SRP19: variants seen among roughly 807,000 people sequenced by gnomAD.
The protein encoded by SRP19 is signal recognition particle 19 kDa protein.
Under a neutral mutation model 22.4 loss-of-function variants are expected in SRP19, and 11 were observed. The observed-to-expected ratio is 0.49, with a 90% CI of 0.31 to 0.81. SRP19 has a LOEUF of 0.81. Among genes scored for constraint, SRP19 ranks in the 40% least tolerant of loss-of-function variants. SRP19 has a pLI of 0.05. For missense variants in SRP19, 168 were observed against 175.9 expected (o/e 0.96, Z 0.25); for synonymous variants, 61 against 57.6 (o/e 1.06, Z -0.27).
At chr5:112,893,597 G>C (rs570747452), downstream of SRP19, 3 of 152,720 alleles carry the variant, frequency 2.0e-5, no homozygotes, top group African/African-American at 4.8e-5. Flanking sequence ...TGGAAAACAG[G>C]ATCTTCAGAC....
downstream of SRP19, among the ~76,000 whole-genome samples, chr5:112,874,519 G>A (rs1767851448): frequency 6.6e-6 from 1 of 152,164 alleles, no homozygotes; most frequent in Non-Finnish European, 1.5e-5. Flanking sequence ...CAATATTTTT[G>A]AAAAGGTCCT....
intron 4 of SRP19, among the ~76,000 whole-genome samples, chr5:112,886,486 T>C (rs1768249878): frequency 6.6e-6 from 1 of 152,206 alleles, no homozygotes; most frequent in Admixed American, 6.5e-5. Flanking sequence ...TTAGGTCCTT[T>C]AGTTTTCTTC....
rs1244330683 is a variant in SRP19 at position 112,864,634 on chromosome 5, A to G, written c.203A>G (p.Tyr68Cys). The G allele has an allele frequency of 1.2e-6, 2 of 1,613,940 alleles. No homozygotes were observed. The highest frequency in any genetic ancestry group is 1.7e-5 in the Admixed American group (1 of 60,000). Reference protein sequence around the residue: ...LNVFLEKNKMYSREWNRDVQY... With the variant: ...LNVFLEKNKMCSREWNRDVQY... ...CGTTTATGTTAGAAAAATAAAATGT[A>G]CTCTAGAGAATGGAATCGTGATGTC... Residue 68 changes from tyrosine to cysteine, a missense_variant, in exon 4 of 5, where the codon TAC becomes TGC. Transcript: ENST00000505459.
chr5:112,887,030 C>T, intron 4 of SRP19: 1 of 1,607,978 alleles, frequency 6.2e-7, no homozygotes. Context: ...TTAGTGATGG[C>T]ATCTGCAGTC....
At chr5:112,897,350 A>C (rs1218779911), downstream of SRP19, 1 of 129,442 alleles carries the variant, frequency 7.7e-6, no homozygotes, top group South Asian at 2.6e-4. Flanking sequence ...AACACATCCC[A>C]TCACACACAC....
intron 4 of SRP19, chr5:112,885,831 C>A: frequency 4.9e-6 from 1 of 202,580 alleles, no homozygotes. Context: ...AAGGAAGCAC[C>A]TCTCAGCCTT....
chr5:112,882,619 C>A (rs73220063), intron 4 of SRP19, among the ~76,000 whole-genome samples: 2 of 152,154 alleles, frequency 1.3e-5, no homozygotes, highest in African/African-American at 4.8e-5. Context: ...TCCATTTACT[C>A]TCCAACTGTC....
exon 5 of SRP19, chr5:112,892,389 C>A: frequency 6.2e-7 from 1 of 1,614,048 alleles, no homozygotes; most frequent in Non-Finnish European, 8.5e-7. Flanking sequence ...ATGTGTTGCC[C>A]GAGTTCAAGA....
Position 112,867,864 on chromosome 5 carries a change from A to T in SRP19, c.*327A>T, listed in dbSNP as rs967506329. On this transcript the variant is annotated 3_prime_UTR_variant, in exon 5 of 5. Transcript: ENST00000505459. ...AATTTCAATTAGATTTAAAATAAACATTTTGTCCACCTTTTAAGTTAATGA... is the reference window on the plus strand; with the variant it reads ...AATTTCAATTAGATTTAAAATAAACTTTTTGTCCACCTTTTAAGTTAATGA... 9.8e-7 allele frequency: 1 copy of T among 1,023,784 alleles called. No individual in the cohort carries two copies. Among genetic ancestry groups the T allele is most frequent in the African/African-American group, 1.7e-5 (1 of 58,886 alleles). The allele number at this position is 1,023,784 out of a possible 1,614,324, so 63.4% of individuals were successfully genotyped here.
downstream of SRP19, among the ~76,000 whole-genome samples, chr5:112,874,107 A>G (rs1318781822): frequency 6.6e-6 from 1 of 152,206 alleles, no homozygotes; most frequent in Non-Finnish European, 1.5e-5. Context: ...TTGAGGCTGC[A>G]GAGAGTTGTG....
rs2150027629 is a variant in SRP19, at chr5:112,867,559, G to A, written c.*22G>A. The A allele has an allele frequency of 1.3e-6, 2 of 1,592,924 alleles. No individual in the cohort carries two copies. Among genetic ancestry groups the A allele is most frequent in the East Asian group, 4.5e-5 (2 of 44,584 alleles). On this transcript the variant is annotated 3_prime_UTR_variant, in exon 5 of 5. Coordinates refer to ENST00000505459, the MANE Select transcript of SRP19 (RefSeq NM_003135.3). ...GTAACCTAGTATCAGCATCAAGTAT[G>A]TGGTACTACTGTAAGAGACATGAAT...
intron 4 of SRP19, among the ~76,000 whole-genome samples, chr5:112,891,212 A>G (rs1166217697): frequency 1.3e-5 from 2 of 152,082 alleles, no homozygotes; most frequent in Non-Finnish European, 2.9e-5. Context: ...AGCTGGGATT[A>G]CAGGCACGTG....
intron 4 of SRP19, chr5:112,878,955 G>A (rs1465724285): frequency 6.7e-7 from 1 of 1,485,046 alleles, no homozygotes; most frequent in East Asian, 2.3e-5. Context: ...CTCATGTTCA[G>A]GTGCGATCAT....
At chr5:112,865,962 T>G (rs73220045) in intron 4 of SRP19, among the ~76,000 whole-genome samples, 4,534 of 152,234 alleles carry the variant, frequency 0.03, 232 homozygotes, top group African/African-American at 0.1. Context: ...CAAGCAATCT[T>G]CCCATCTTGG....
At chr5:112,873,199 TC>T (rs1300436236), downstream of SRP19, among the ~76,000 whole-genome samples, 3 of 150,926 alleles carry the variant, frequency 2.0e-5, no homozygotes, top group African/African-American at 7.3e-5. Flanking sequence ...TGATAATTTT[TC>T]TCCTCTTTCT....
downstream of SRP19, among the ~76,000 whole-genome samples, chr5:112,873,044 G>C (rs1767791468): frequency 6.7e-6 from 1 of 148,860 alleles, no homozygotes; most frequent in Admixed American, 6.7e-5. Context: ...CATGATCCTG[G>C]TTCCAGTATT....
chr5:112,887,156 G>A (rs1768279691), intron 4 of SRP19: 21 of 1,607,984 alleles, frequency 1.3e-5, no homozygotes, highest in Non-Finnish European at 1.8e-5. Flanking sequence ...GAAGGGCTCG[G>A]GGCCATGCAC....
At chr5:112,877,115 C>G (rs1387716478) in intron 4 of SRP19, 4 of 152,056 alleles carry the variant, frequency 2.6e-5, no homozygotes, top group Non-Finnish European at 5.9e-5. Flanking sequence ...TGTTTGCTTT[C>G]TACAAAGTTT....
intron 4 of SRP19, among the ~76,000 whole-genome samples, chr5:112,880,220 G>A (rs1400662329): frequency 6.6e-6 from 1 of 151,872 alleles, no homozygotes; most frequent in Non-Finnish European, 1.5e-5. Flanking sequence ...AGATCACCCT[G>A]GCCAAAACAC....
Sources: gnomAD v4.1 joint callset for allele counts (sites outside exome capture counted in the v4.1 genomes callset) on GRCh38, gnomAD v4.1.1 for gene constraint, MANE v1.5 for transcripts, NCBI Gene and HGNC (gene_info 2026-07-23, HGNC 2026-07-21) for gene names.